Variants in CERT1 observed in about 807,000 individuals in gnomAD.
The protein encoded by CERT1 is ceramide transporter 1.
Under a neutral mutation model 87.9 loss-of-function variants are expected in CERT1, and 31 were observed. That is an observed-to-expected ratio of 0.35 (90% CI 0.27 to 0.48). The LOEUF (loss-of-function observed/expected upper bound fraction) is 0.48. CERT1 is among the 20% of genes least tolerant of loss of function. CERT1 has a pLI of 0.99. For synonymous variants in CERT1, 289 were observed against 250.9 expected, an observed-to-expected ratio of 1.15 and a Z score of -1.44; for missense variants, 487 against 758.0, an observed-to-expected ratio of 0.64 and a Z score of 4.20.
rs1198927195 is a variant in CERT1 at position 75,384,669 on chromosome 5, A to G, written c.1461T>C (p.Asn487=). Residue 487 remains asparagine, a synonymous_variant, in exon 14 of 17, where the codon AAT becomes AAC. Coordinates refer to ENST00000643780, the MANE Select transcript of CERT1 (RefSeq NM_001379029.1). ...NFHVVETLAD[N]AIIIYQTHKR... ...TGTGTGTTTGATAAATGATGATTGC[A>G]TTATCAGCTAATGTTTCCACCACAT... 1 of 1,606,878 alleles carries G rather than the reference A, an allele frequency of 6.2e-7. No individual in the cohort carries two copies. Among genetic ancestry groups the G allele is most frequent in the South Asian group, 1.1e-5 (1 of 90,868 alleles).
intron 3 of CERT1, among the ~76,000 whole-genome samples, chr5:75,441,088 G>A (rs1292966108): frequency 6.6e-6 from 1 of 152,130 alleles, no homozygotes; most frequent in Non-Finnish European, 1.5e-5. Context: ...AGTATGTACA[G>A]TCATGCACTG....
intron 3 of CERT1, among the ~76,000 whole-genome samples, chr5:75,439,588 T>C (rs1322405227): frequency 1.3e-5 from 2 of 151,998 alleles, no homozygotes; most frequent in East Asian, 3.9e-4. Context: ...AATGAGAAAA[T>C]ACAAGATTAA....
At chr5:75,417,928 G>A (rs1313455559) in intron 6 of CERT1, among the ~76,000 whole-genome samples, 2 of 152,182 alleles carry the variant, frequency 1.3e-5, no homozygotes, top group African/African-American at 2.4e-5. Flanking sequence ...AGGCCAAGGC[G>A]GGCGGATCAC....
At chr5:75,501,357 T>G (rs1355134394) in intron 2 of CERT1, among the ~76,000 whole-genome samples, 1 of 152,184 alleles carries the variant, frequency 6.6e-6, no homozygotes, top group Non-Finnish European at 1.5e-5. Flanking sequence ...AACTGGCAAA[T>G]TTCCCTAAAA....
intron 11 of CERT1, among the ~76,000 whole-genome samples, chr5:75,395,790 C>T (rs1476756230): frequency 6.6e-6 from 1 of 151,936 alleles, no homozygotes; most frequent in East Asian, 1.9e-4. Flanking sequence ...ACGGAGGTTG[C>T]AGTGAGTTGA....
intron 16 of CERT1, among the ~76,000 whole-genome samples, chr5:75,379,804 C>T (rs989884075): frequency 5.3e-5 from 8 of 152,112 alleles, no homozygotes; most frequent in Middle Eastern, 6.8e-3. Context: ...AGGATGGTCT[C>T]GAACTCTTGA....
intron 7 of CERT1, among the ~76,000 whole-genome samples, chr5:75,415,161 G>C (rs1763088761): frequency 6.6e-6 from 1 of 152,042 alleles, no homozygotes; most frequent in Admixed American, 6.5e-5. Flanking sequence ...CACACATACT[G>C]TGTGTACACA....
chr5:75,506,511 A>C (rs566921211), intron 1 of CERT1, among the ~76,000 whole-genome samples: 111 of 152,282 alleles, frequency 7.3e-4, no homozygotes, highest in Non-Finnish European at 1.4e-3. Flanking sequence ...AAGTATGTTC[A>C]GTTATGTATG....
intron 2 of CERT1, among the ~76,000 whole-genome samples, chr5:75,468,145 G>C (rs1360273654): frequency 6.6e-6 from 1 of 152,178 alleles, no homozygotes; most frequent in African/African-American, 2.4e-5. Flanking sequence ...GCCAGATGGA[G>C]AAAGAGGACT....
At position 75,431,139 on chromosome 5, in the gene CERT1, G is replaced by A. The variant is rs1763846705; in HGVS notation, c.349-4661C>T. Among the ~76,000 whole-genome samples, 6 of 152,218 alleles carry A rather than the reference G, an allele frequency of 3.9e-5. No homozygotes were observed. In the South Asian group the frequency reaches 1.2e-3, roughly 32 times the overall value. Reference sequence around the variant, plus strand: ...GTAAATTGCATGCTGCTGGAGTTTGGTATAAAATAATTTCATCACCTAGGA... The same window carrying A: ...GTAAATTGCATGCTGCTGGAGTTTGATATAAAATAATTTCATCACCTAGGA... On this transcript the variant is annotated intron_variant, in intron 3 of 16. Coordinates refer to ENST00000643780, the MANE Select transcript of CERT1 (RefSeq NM_001379029.1).
At chr5:75,473,739 T>C (rs377075653) in intron 2 of CERT1, among the ~76,000 whole-genome samples, 9 of 152,168 alleles carry the variant, frequency 5.9e-5, no homozygotes, top group Non-Finnish European at 1.3e-4. Flanking sequence ...GTATTCTCAC[T>C]GCAAAAATGA....
rs753818083 is a variant in CERT1, at chr5:75,511,239, C to A, written c.-32G>T. ...TCGACAACCGAGCAGGAGACCGGCC[C>A]CCGCTCCCTCAGCTGCGCCGGAGGA... On this transcript the variant is annotated 5_prime_UTR_variant, in exon 1 of 17. Transcript: ENST00000643780. 5 of 1,609,398 alleles carry A rather than the reference C, an allele frequency of 3.1e-6. No individual in the cohort carries two copies. The highest frequency in any genetic ancestry group is 1.7e-5 in the Admixed American group (1 of 59,416).
intron 4 of CERT1, among the ~76,000 whole-genome samples, chr5:75,426,039 T>G (rs1763605253): frequency 6.6e-6 from 1 of 152,212 alleles, no homozygotes; most frequent in African/African-American, 2.4e-5. Context: ...TGCAAATGAA[T>G]TTTGTCTGGT....
intron 2 of CERT1, among the ~76,000 whole-genome samples, chr5:75,485,312 C>CAAAAAAAAAAAA (rs757349878): frequency 0.014 from 661 of 46,416 alleles, 1 homozygote; most frequent in Middle Eastern, 0.026. Flanking sequence ...CACAAAAATA[C>CAAAAAAAAAAAA]AAAAAAAAAA....
At chr5:75,374,549 C>T (rs1276425952), downstream of CERT1, 17 of 714,608 alleles carry the variant, frequency 2.4e-5, no homozygotes, top group South Asian at 1.9e-4. Flanking sequence ...GTGCCTGATG[C>T]GTGCCCAAGG....
At chr5:75,385,765 T>C (rs1033707845) in intron 13 of CERT1, 137 bp downstream of exon 13, 4 of 547,504 alleles carry the variant, frequency 7.3e-6, no homozygotes, top group Admixed American at 4.2e-5. Flanking sequence ...CATAAATGTA[T>C]TGCTAGTCCT....
intron 11 of CERT1, among the ~76,000 whole-genome samples, chr5:75,390,820 G>A (rs150735402): frequency 1.4e-4 from 22 of 151,926 alleles, no homozygotes; most frequent in African/African-American, 4.4e-4. Flanking sequence ...CCCCCTACCC[G>A]CCAGAGACAG....
intron 8 of CERT1, among the ~76,000 whole-genome samples, chr5:75,409,389 T>C (rs1762838898): frequency 6.6e-6 from 1 of 152,234 alleles, no homozygotes. Flanking sequence ...AGCAGCTGTT[T>C]AGTTTTCCTT....
intron 2 of CERT1, among the ~76,000 whole-genome samples, chr5:75,501,659 G>A (rs1420313234): frequency 1.3e-5 from 2 of 152,132 alleles, no homozygotes; most frequent in Non-Finnish European, 2.9e-5. Flanking sequence ...CAAGCCAAAT[G>A]CCCAGAAGAG....
Sources: gnomAD v4.1 joint callset for allele counts (sites outside exome capture counted in the v4.1 genomes callset) on GRCh38, gnomAD v4.1.1 for gene constraint, MANE v1.5 for transcripts, NCBI Gene and HGNC (gene_info 2026-07-23, HGNC 2026-07-21) for gene names.